TAF1: variants seen among roughly 807,000 people sequenced by gnomAD.
TAF1 encodes transcription initiation factor TFIID subunit 1.
Under a neutral mutation model 138.5 loss-of-function variants are expected in TAF1, and 2 were observed. That is an observed-to-expected ratio of 0.01 (90% CI 0.01 to 0.05). TAF1 has a LOEUF of 0.05. TAF1 is among the 10% of genes least tolerant of loss of function. The probability of loss-of-function intolerance (pLI) is 1.00; values close to 1 mark genes in which losing one functional copy is unlikely to be tolerated. For missense variants in TAF1, 709 were observed against 1,478.0 expected (o/e 0.48, Z 8.53); for synonymous variants, 437 against 503.2 (o/e 0.87, Z 1.76).
At chrX:71,523,401 C>T (rs2039940510) in intron 13 of TAF1, among the ~76,000 whole-genome samples, 1 of 110,876 alleles carries the variant, frequency 9.0e-6, no homozygotes, top group East Asian at 2.8e-4. Flanking sequence ...ACTATCTTGC[C>T]ATACAAAAGC....
intron 21 of TAF1, 82 bp downstream of exon 21, chrX:71,393,558 C>T: frequency 9.2e-7 from 1 of 1,089,441 alleles, no homozygotes; most frequent in Non-Finnish European, 1.2e-6. Context: ...AAGAGGAGGT[C>T]ACCTAAAAGT....
chrX:71,495,422 C>T (rs914517969), intron 13 of TAF1, among the ~76,000 whole-genome samples: 46 of 111,795 alleles, frequency 4.1e-4, no homozygotes, highest in African/African-American at 1.3e-3. Flanking sequence ...GAAGCCATGT[C>T]GCCCAATTCC....
At position 71,453,981 on chromosome X, in the gene TAF1, G is replaced by C. The variant is rs768934809; in HGVS notation, c.4754-189G>C. ...GAATCTGGCTAGTGAGTACATGGGA[G>C]TCCATTATGTTAGTGTTGTATTGCA... On this transcript the variant is annotated intron_variant, in intron 32 of 37. Transcript: ENST00000423759. Among the ~76,000 whole-genome samples the C allele has an allele frequency of 2.7e-5, 3 of 112,078 alleles. No homozygotes were observed. The South Asian group carries it at 1.1e-3, about 42-fold the overall frequency.
At chrX:71,509,248 A>G (rs2039690717) in intron 13 of TAF1, among the ~76,000 whole-genome samples, 1 of 112,156 alleles carries the variant, frequency 8.9e-6, no homozygotes. Context: ...GAGGAACAAG[A>G]CTGGAGGCAG....
chrX:71,455,430 C>G (rs2038235814), intron 34 of TAF1, among the ~76,000 whole-genome samples: 1 of 111,740 alleles, frequency 8.9e-6, no homozygotes, highest in Non-Finnish European at 1.9e-5. Context: ...TAACTGAACC[C>G]TTGAAATACA....
intron 14 of TAF1, chrX:71,528,802 G>C: frequency 7.4e-6 from 2 of 270,431 alleles, no homozygotes; most frequent in Non-Finnish European, 1.4e-5. Context: ...AAGAGCAAAA[G>C]AACAAAGCTT....
Position 71,366,502 on chromosome X carries a change from G to C in TAF1, c.120+8G>C. The stretch of plus-strand genomic sequence containing the variant: ...GAAAGCGTCTTGGATGATGTGAGGG[G>C]GTGGGCGTGGGGGTAGGGCTCGGGG... On this transcript the variant is annotated splice_region_variant and intron_variant, in intron 1 of 37. Transcript: ENST00000423759. The C allele has an allele frequency of 9.0e-7, 1 of 1,112,967 alleles. No individual in the cohort carries two copies. The highest frequency in any genetic ancestry group is 1.2e-6 in the Non-Finnish European group (1 of 834,798). The allele number at this position is 1,112,967 out of a possible 1,213,427, so 91.7% of individuals were successfully genotyped here.
At chrX:71,389,787 TCTTG>T (rs2034453828) in intron 18 of TAF1, 122 bp downstream of exon 18, 1 of 484,685 alleles carries the variant, frequency 2.1e-6, no homozygotes, top group African/African-American at 2.5e-5. Context: ...TGTTAGATGT[TCTTG>T]CTTTATTCAT....
intron 13 of TAF1, among the ~76,000 whole-genome samples, chrX:71,493,303 TCTTA>T (rs769581176): frequency 1.8e-5 from 2 of 112,114 alleles, no homozygotes; most frequent in South Asian, 7.4e-4. Context: ...GTGAGCTAAC[TCTTA>T]CTTTGTTTTC....
In TAF1 at chrX:71,377,250, TTTG is replaced by T; in HGVS notation, c.714+65_714+67del. The T allele has an allele frequency of 3.4e-6, 4 of 1,191,676 alleles. No homozygotes were observed. The East Asian group carries it at 8.9e-5, about 27-fold the overall frequency. ...CACTGACCTCTTCCAAATAATGAGTTTTGTTGTTAAGATGCTGAGTATGGAATG... is the reference window on the plus strand; with the variant it reads ...CACTGACCTCTTCCAAATAATGAGTTTTGTTAAGATGCTGAGTATGGAATG... On this transcript the variant is annotated intron_variant, in intron 5 of 37. Transcript: ENST00000423759.
intron 32 of TAF1, among the ~76,000 whole-genome samples, chrX:71,446,355 A>G (rs73634875): frequency 3.6e-4 from 41 of 112,441 alleles, no homozygotes; most frequent in African/African-American, 1.3e-3. Context: ...TTTCCCTACA[A>G]CCTCTTTAAC....
intron 13 of TAF1, among the ~76,000 whole-genome samples, chrX:71,495,400 C>G (rs1470701756): frequency 9.0e-6 from 1 of 111,721 alleles, no homozygotes; most frequent in African/African-American, 3.3e-5. Flanking sequence ...GTCATGGGAC[C>G]TAGAAAGGGG....
At position 71,392,682 on chromosome X, in the gene TAF1, C is replaced by T. The variant is rs1602519556; in HGVS notation, c.2895C>T (p.Ser965=). The change falls in exon 19 of 38, where the codon TCC becomes TCT. Residue 965 remains serine (S), a synonymous_variant. Coordinates refer to ENST00000423759, the MANE Select transcript of TAF1 (RefSeq NM_004606.5). ...CCACGGGGTGTGGTGAAGGATTCTC[C>T]TATGTGAAGATTCCAAACAAACCAA... ...ADPTGCGEGF[S]YVKIPNKPTQ... The T allele has an allele frequency of 1.7e-6, 2 of 1,205,807 alleles. No individual in the cohort carries two copies. Among genetic ancestry groups the T allele is most frequent in the Non-Finnish European group, 2.2e-6 (2 of 893,671 alleles).
chrX:71,421,916 CAACTT>C (rs1396749153), intron 29 of TAF1, among the ~76,000 whole-genome samples: 1 of 112,149 alleles, frequency 8.9e-6, no homozygotes, highest in Non-Finnish European at 1.9e-5. Flanking sequence ...GAAAGATTCT[CAACTT>C]GATTGATTAT....
At chrX:71,379,122 T>C in intron 8 of TAF1, 91 bp downstream of exon 8, 1 of 940,034 alleles carries the variant, frequency 1.1e-6, no homozygotes, top group South Asian at 2.5e-5. Context: ...TTTTTTTTTT[T>C]TTTTTTCGGT....
chrX:71,519,703 G>T (rs1313753622), intron 13 of TAF1, among the ~76,000 whole-genome samples: 1 of 112,157 alleles, frequency 8.9e-6, no homozygotes, highest in Non-Finnish European at 1.9e-5. Context: ...AAAGGTTAAA[G>T]AGTATTATAA....
chrX:71,454,798 T>C lies in TAF1; in HGVS notation c.4879T>C (p.Leu1627=), dbSNP rs1248265889. The change falls in exon 34 of 38, where the codon TTG becomes CTG. Residue 1627 remains leucine (L), a synonymous_variant. Transcript: ENST00000423759. ...TATTTGTACTGCTAAAGAAGCAGCT[T>C]TGGAGGAAGCAGAATTAGAAAGCCT... The part of the protein sequence containing the change: ...KDICTAKEAA[L]EEAELESLDP... 4.1e-6 allele frequency: 5 copies of C among 1,209,260 alleles called. No homozygotes were observed. The highest frequency in any genetic ancestry group is 2.3e-4 in the Middle Eastern group (1 of 4,368).
At chrX:71,450,790 A>G (rs893420905) in intron 32 of TAF1, among the ~76,000 whole-genome samples, 1 of 112,635 alleles carries the variant, frequency 8.9e-6, no homozygotes, top group African/African-American at 3.2e-5. Flanking sequence ...CTTATGAATA[A>G]ATAAGTGAAT....
At chrX:71,447,696 C>CAA (rs67753069) in intron 32 of TAF1, among the ~76,000 whole-genome samples, 9 of 86,002 alleles carry the variant, frequency 1.0e-4, no homozygotes, top group African/African-American at 2.9e-4. Context: ...GACACTGTGT[C>CAA]AAAAAAAAAA....
Sources: gnomAD v4.1 joint callset for allele counts (sites outside exome capture counted in the v4.1 genomes callset) on GRCh38, gnomAD v4.1.1 for gene constraint, MANE v1.5 for transcripts, NCBI Gene and HGNC (gene_info 2026-07-23, HGNC 2026-07-21) for gene names.